Variants in NNMT observed in about 807,000 individuals in gnomAD.
NNMT encodes nicotinamide N-methyltransferase.
Under a neutral mutation model 11.7 loss-of-function variants are expected in NNMT, and 10 were observed. The observed-to-expected ratio is 0.85, with a 90% CI of 0.53 to 1.45. The LOEUF (loss-of-function observed/expected upper bound fraction) is 1.45, where lower values mean the gene tolerates loss of function less well. Among genes scored for constraint, NNMT ranks in the 40% most tolerant of loss-of-function variants. The pLI, the probability that NNMT is intolerant of heterozygous loss-of-function variation, is 0.00. For missense variants in NNMT, 381 were observed against 319.4 expected (o/e 1.19, Z -1.47); for synonymous variants, 143 against 133.8 (o/e 1.07, Z -0.48).
intron 2 of NNMT, among the ~76,000 whole-genome samples, chr11:114,310,437 G>A (rs1220812615): frequency 6.6e-6 from 1 of 152,242 alleles, no homozygotes; most frequent in Non-Finnish European, 1.5e-5. Context: ...TGTTTGCAAA[G>A]AAGTGATTAT....
intron 2 of NNMT, among the ~76,000 whole-genome samples, chr11:114,283,740 A>G (rs558239316): frequency 3.9e-5 from 6 of 152,334 alleles, no homozygotes; most frequent in African/African-American, 1.4e-4. Flanking sequence ...TTTCAATTTA[A>G]TAAGCATTTT....
At position 114,312,079 on chromosome 11, in the gene NNMT, C is replaced by A; in HGVS notation, c.397C>A (p.Gln133Lys). Reference protein sequence around the residue: ...KGPEKEEKLRQAVKQVLKCDV... With the variant: ...KGPEKEEKLRKAVKQVLKCDV... ...TCCAGAGAAGGAGGAGAAGTTGAGA[C>A]AGGCGGTCAAGCAGGTGCTGAAGTG... is the stretch of plus-strand genomic sequence containing the variant. The change falls in exon 3 of 3, where the codon CAG becomes AAG. Residue 133 changes from glutamine (Q) to lysine (K), a missense_variant. Physicochemically the swap from Gln to Lys is moderately conservative, Grantham distance 53 (BLOSUM62 1). Transcript: ENST00000299964. The A allele has an allele frequency of 6.3e-7, 1 of 1,591,990 alleles. No homozygotes were observed. Among genetic ancestry groups the A allele is most frequent in the African/African-American group, 1.3e-5 (1 of 74,598 alleles).
At chr11:114,260,757 C>T (rs755383575) in intron 1 of NNMT, among the ~76,000 whole-genome samples, 1 of 152,202 alleles carries the variant, frequency 6.6e-6, no homozygotes, top group African/African-American at 2.4e-5. Flanking sequence ...AACCAAGCAC[C>T]CAGGCTCTAC....
chr11:114,284,848 C>T (rs1945286594), intron 2 of NNMT, among the ~76,000 whole-genome samples: 1 of 141,838 alleles, frequency 7.1e-6, no homozygotes. Context: ...CTGCTAACTG[C>T]AACCTCCACC....
chr11:114,260,673 G>T (rs1945071743), intron 1 of NNMT, among the ~76,000 whole-genome samples: 1 of 152,174 alleles, frequency 6.6e-6, no homozygotes, highest in African/African-American at 2.4e-5. Context: ...GCAGAGCTGG[G>T]CCCTGGCCTT....
chr11:114,301,382 T>C (rs947129836), intron 2 of NNMT, among the ~76,000 whole-genome samples: 7 of 152,162 alleles, frequency 4.6e-5, no homozygotes, highest in Non-Finnish European at 1.0e-4. Flanking sequence ...TGTCTTTCAG[T>C]AAGCGAATGA....
chr11:114,268,899 G>C (rs893702916), intron 2 of NNMT, among the ~76,000 whole-genome samples: 6 of 152,110 alleles, frequency 3.9e-5, no homozygotes, highest in Non-Finnish European at 5.9e-5. Flanking sequence ...GTTTTGTCCA[G>C]TTTCGTAGTT....
chr11:114,280,775 T>A (rs1449206652), intron 2 of NNMT, among the ~76,000 whole-genome samples: 1 of 152,062 alleles, frequency 6.6e-6, no homozygotes, highest in African/African-American at 2.4e-5. Flanking sequence ...TTTCACTCTC[T>A]GGGCACAAGA....
intron 2 of NNMT, among the ~76,000 whole-genome samples, chr11:114,268,525 C>T (rs1157003150): frequency 2.0e-5 from 3 of 152,064 alleles, no homozygotes; most frequent in African/African-American, 4.8e-5. Flanking sequence ...AATCCCAGCA[C>T]TTTGGGAAGC....
intron 2 of NNMT, among the ~76,000 whole-genome samples, chr11:114,271,353 G>C (rs1264384972): frequency 3.9e-5 from 6 of 152,166 alleles, no homozygotes; most frequent in Non-Finnish European, 7.3e-5. Flanking sequence ...AAAAGTGTCA[G>C]CCCTCGTGTC....
rs115767963 is a variant in NNMT, at chr11:114,267,604, A to C, written c.-130+4670A>C. On this transcript the variant is annotated intron_variant, in intron 2 of 4. Coordinates refer to the NNMT transcript ENST00000535401. Reference sequence around the variant, plus strand: ...AATAGAATAATATGATCAACCCCACATAATGCCCGTCACCCAGATTCAACA... The same window carrying C: ...AATAGAATAATATGATCAACCCCACCTAATGCCCGTCACCCAGATTCAACA... 5.2e-3 allele frequency among the ~76,000 whole-genome samples: 791 copies of C among 152,320 alleles called. 5 individuals carry two copies. Among genetic ancestry groups the C allele is most frequent in the African/African-American group, 0.018 (763 of 41,568 alleles).
intron 2 of NNMT, among the ~76,000 whole-genome samples, chr11:114,299,589 T>G (rs1458479784): frequency 6.6e-6 from 1 of 152,188 alleles, no homozygotes; most frequent in Non-Finnish European, 1.5e-5. Context: ...TTGAGTATTA[T>G]TAGTATAATT....
At chr11:114,261,304 G>C (rs1017981690) in intron 1 of NNMT, among the ~76,000 whole-genome samples, 1 of 152,116 alleles carries the variant, frequency 6.6e-6, no homozygotes, top group South Asian at 2.1e-4. Context: ...CCTTGGGGCC[G>C]GGCGCGGTGG....
At chr11:114,274,289 G>A (rs1199164609) in intron 2 of NNMT, among the ~76,000 whole-genome samples, 1 of 152,230 alleles carries the variant, frequency 6.6e-6, no homozygotes, top group Non-Finnish European at 1.5e-5. Context: ...TAAAACAGGT[G>A]GGCTGATAGG....
chr11:114,277,026 C>G (rs1945218319), intron 2 of NNMT, among the ~76,000 whole-genome samples: 2 of 152,044 alleles, frequency 1.3e-5, no homozygotes, highest in Non-Finnish European at 2.9e-5. Flanking sequence ...GAGTTCAAGA[C>G]CAGCCTGGTC....
At chr11:114,260,924 C>T (rs190258656) in intron 1 of NNMT, among the ~76,000 whole-genome samples, 61 of 152,326 alleles carry the variant, frequency 4.0e-4, no homozygotes, top group Middle Eastern at 3.4e-3. Context: ...CAAAGGCTCC[C>T]GAAGGCCTCA....
intron 2 of NNMT, among the ~76,000 whole-genome samples, chr11:114,268,628 G>A (rs773164399): frequency 6.6e-6 from 1 of 152,122 alleles, no homozygotes; most frequent in Non-Finnish European, 1.5e-5. Flanking sequence ...AATTAGCTGG[G>A]CGTGGTGGCA....
At chr11:114,302,359 G>C (rs898416057) in intron 2 of NNMT, among the ~76,000 whole-genome samples, 9 of 152,042 alleles carry the variant, frequency 5.9e-5, no homozygotes, top group African/African-American at 2.2e-4. Flanking sequence ...TCTTGTGTGA[G>C]TTTGTGTGGT....
At chr11:114,258,991 T>A (rs1254724891) in intron 1 of NNMT, among the ~76,000 whole-genome samples, 1 of 152,208 alleles carries the variant, frequency 6.6e-6, no homozygotes, top group East Asian at 1.9e-4. Context: ...CAGGAAGCCT[T>A]CCCTGGACCC....
Sources: gnomAD v4.1 joint callset for allele counts (sites outside exome capture counted in the v4.1 genomes callset) on GRCh38, gnomAD v4.1.1 for gene constraint, MANE v1.5 for transcripts, NCBI Gene and HGNC (gene_info 2026-07-23, HGNC 2026-07-21) for gene names.